Variants in LRRC49 observed in about 807,000 individuals in gnomAD.
LRRC49 encodes leucine-rich repeat-containing protein 49.
In LRRC49, 50 loss-of-function variants were observed where a neutral mutation model predicts 83.3. That is an observed-to-expected ratio of 0.60 (90% CI 0.48 to 0.76). The LOEUF (loss-of-function observed/expected upper bound fraction) is 0.76, where lower values mean the gene tolerates loss of function less well. Ranked by LOEUF, LRRC49 falls within the 30% of genes least tolerant of loss-of-function variation. The pLI, the probability that LRRC49 is intolerant of heterozygous loss-of-function variation, is 0.00. For synonymous variants in LRRC49, 286 were observed against 283.3 expected (o/e 1.01, Z -0.10); for missense variants, 704 against 809.1 (o/e 0.87, Z 1.58).
chr15:71,040,825 A>AAG (rs2039679982), intron 15 of LRRC49, among the ~76,000 whole-genome samples: 1 of 151,532 alleles, frequency 6.6e-6, no homozygotes, highest in Non-Finnish European at 1.5e-5. Context: ...GTCTCAAAAA[A>AAG]AAAAAAAAAA....
chr15:70,980,207 G>A, intron 10 of LRRC49, 23 bp downstream of exon 10: 6 of 1,546,306 alleles, frequency 3.9e-6, no homozygotes, highest in Non-Finnish European at 4.4e-6. Flanking sequence ...ATGTCTACAT[G>A]GATGTGTGTG....
chr15:70,985,400 A>T (rs1380519946), intron 11 of LRRC49, among the ~76,000 whole-genome samples: 1 of 151,936 alleles, frequency 6.6e-6, no homozygotes, highest in Non-Finnish European at 1.5e-5. Flanking sequence ...GCATTTTTTC[A>T]TGTGTTTTTT....
At chr15:70,854,564 G>A (rs955832067) in intron 1 of LRRC49, among the ~76,000 whole-genome samples, 1 of 152,210 alleles carries the variant, frequency 6.6e-6, no homozygotes, top group Non-Finnish European at 1.5e-5. Context: ...GGCCTCCTGC[G>A]TGTCTCCCCC....
chr15:70,871,106 C>A (rs1489873681), intron 1 of LRRC49, among the ~76,000 whole-genome samples: 2 of 151,822 alleles, frequency 1.3e-5, no homozygotes, highest in African/African-American at 4.8e-5. Context: ...TGCGGCCTTC[C>A]GCAGTGTTTG....
chr15:70,982,074 A>C (rs2037421718), intron 10 of LRRC49, among the ~76,000 whole-genome samples: 1 of 152,076 alleles, frequency 6.6e-6, no homozygotes, highest in Non-Finnish European at 1.5e-5. Context: ...ATCTGATTTT[A>C]ATAACCCAAA....
intron 7 of LRRC49, among the ~76,000 whole-genome samples, chr15:70,932,416 G>A (rs2035440347): frequency 6.6e-6 from 1 of 152,018 alleles, no homozygotes; most frequent in Non-Finnish European, 1.5e-5. Context: ...AAGCTTGTTT[G>A]ATGCTTTGTG....
intron 14 of LRRC49, among the ~76,000 whole-genome samples, chr15:71,023,054 C>T (rs1320495879): frequency 6.6e-6 from 1 of 152,152 alleles, no homozygotes; most frequent in Non-Finnish European, 1.5e-5. Flanking sequence ...AAATAACCCA[C>T]AGGTTAAAGA....
intron 9 of LRRC49, among the ~76,000 whole-genome samples, chr15:70,971,172 A>T (rs1256643173): frequency 3.3e-5 from 5 of 152,176 alleles, no homozygotes; most frequent in Non-Finnish European, 5.9e-5. Flanking sequence ...AGATTCTGGT[A>T]CATTGTGTCT....
chr15:70,911,816 T>G (rs919640317), intron 6 of LRRC49, among the ~76,000 whole-genome samples: 1 of 152,198 alleles, frequency 6.6e-6, no homozygotes, highest in African/African-American at 2.4e-5. Context: ...CTTATAGTTA[T>G]GACAATTTTG....
intron 15 of LRRC49, among the ~76,000 whole-genome samples, chr15:71,037,533 G>A (rs944921040): frequency 2.6e-5 from 4 of 151,962 alleles, no homozygotes; most frequent in African/African-American, 9.7e-5. Flanking sequence ...AAGAACCCAG[G>A]GTTTCAGTAT....
intron 8 of LRRC49, among the ~76,000 whole-genome samples, chr15:70,946,373 T>G (rs1329067570): frequency 6.6e-6 from 1 of 152,200 alleles, no homozygotes; most frequent in East Asian, 1.9e-4. Context: ...TTATTTCACT[T>G]AGCATAATAT....
rs138002201 is a variant in LRRC49, at chr15:71,013,752, G to A, written c.1703+839G>A. ...AGATATCTACAAAATATTTGAAAGC[G>A]TTGAGGAAGCAGTTTCTAGACTGAG... On this transcript the variant is annotated intron_variant, in intron 14 of 15. Coordinates refer to ENST00000260382, the MANE Select transcript of LRRC49 (RefSeq NM_017691.5). Among the ~76,000 whole-genome samples, 393 of 152,292 alleles carry A rather than the reference G, an allele frequency of 2.6e-3. 1 individual carries two copies. Among genetic ancestry groups the A allele is most frequent in the African/African-American group, 8.4e-3 (350 of 41,574 alleles).
chr15:71,010,570 G>T (rs932394213), intron 13 of LRRC49, among the ~76,000 whole-genome samples: 1 of 152,018 alleles, frequency 6.6e-6, no homozygotes, highest in African/African-American at 2.4e-5. Flanking sequence ...TAAATGTCTG[G>T]AAAGCTTTGT....
intron 10 of LRRC49, among the ~76,000 whole-genome samples, chr15:70,982,534 A>G (rs1180447409): frequency 1.3e-5 from 2 of 152,220 alleles, no homozygotes; most frequent in Non-Finnish European, 2.9e-5. Flanking sequence ...TCTCCAAAGT[A>G]TATACATATT....
At chr15:71,000,000 G>C (rs548371321) in intron 11 of LRRC49, among the ~76,000 whole-genome samples, 28 of 152,294 alleles carry the variant, frequency 1.8e-4, no homozygotes, top group African/African-American at 6.3e-4. Flanking sequence ...AATATGGTCT[G>C]CATTGCTTCC....
chr15:71,038,353 C>G (rs2039589845), intron 15 of LRRC49, among the ~76,000 whole-genome samples: 1 of 152,036 alleles, frequency 6.6e-6, no homozygotes, highest in Non-Finnish European at 1.5e-5. Context: ...CCTCTTTATT[C>G]AAACCACCGT....
At chr15:71,035,771 A>T (rs1479142376) in intron 14 of LRRC49, among the ~76,000 whole-genome samples, 1 of 152,066 alleles carries the variant, frequency 6.6e-6, no homozygotes, top group African/African-American at 2.4e-5. Flanking sequence ...GGTTGATTCC[A>T]TGTCTTTGTT....
chr15:71,027,660 C>G (rs766578403), intron 14 of LRRC49, among the ~76,000 whole-genome samples: 4 of 152,110 alleles, frequency 2.6e-5, no homozygotes, highest in Non-Finnish European at 5.9e-5. Context: ...TCCTTCACAT[C>G]CCTTGTAAGT....
At chr15:70,908,020 G>A (rs975915461) in intron 5 of LRRC49, 17 of 455,860 alleles carry the variant, frequency 3.7e-5, no homozygotes, top group African/African-American at 3.2e-4. Context: ...TCAGGTGTTG[G>A]GGGGTGGAAA....
Sources: gnomAD v4.1 joint callset for allele counts (sites outside exome capture counted in the v4.1 genomes callset) on GRCh38, gnomAD v4.1.1 for gene constraint, MANE v1.5 for transcripts, NCBI Gene and HGNC (gene_info 2026-07-23, HGNC 2026-07-21) for gene names.